HSPA12B: variants seen among roughly 807,000 people sequenced by gnomAD.
HSPA12B encodes heat shock 70 kDa protein 12B.
HSPA12B carries 54 observed loss-of-function variants against 69.3 expected under a neutral mutation model. The ratio of observed to expected loss-of-function variants is 0.78; its 90% CI spans 0.63 to 0.98. The LOEUF (loss-of-function observed/expected upper bound fraction) is 0.98, where lower values mean the gene tolerates loss of function less well. Among genes scored for constraint, HSPA12B ranks in the 50% least tolerant of loss-of-function variants. The probability of loss-of-function intolerance (pLI) is 0.00; values close to 1 mark genes in which losing one functional copy is unlikely to be tolerated. For missense variants in HSPA12B, 929 were observed against 999.8 expected (o/e 0.93, Z 0.96); for synonymous variants, 441 against 436.5 (o/e 1.01, Z -0.13).
chr20:3,751,009 C>G (rs1265049596), intron 12 of HSPA12B, 102 bp downstream of exon 12: 1 of 1,004,354 alleles, frequency 1.0e-6, no homozygotes, highest in East Asian at 2.5e-5. Flanking sequence ...CATCCATACA[C>G]TGTGATGAGA....
chr20:3,751,701 C>A lies in HSPA12B; in HGVS notation c.1596C>A (p.Gly532=), dbSNP rs1249123422. ...CGGTGCTGTTCGGCCAGGCGCCGGGCGTGGTGCGGGTCCGCCGCTCGCCGC... is the reference window on the plus strand; with the variant it reads ...CGGTGCTGTTCGGCCAGGCGCCGGGAGTGGTGCGGGTCCGCCGCTCGCCGC... ...KGAVLFGQAP[G]VVRVRRSPLT... is the part of the protein sequence containing the mutation. The change falls in exon 13 of 13, where the codon GGC becomes GGA. Residue 532 remains glycine (G), a synonymous_variant. Transcript: ENST00000254963. 11 of 1,483,610 alleles carry A rather than the reference C, an allele frequency of 7.4e-6. No homozygotes were observed. In the East Asian group the frequency reaches 2.4e-4, roughly 32 times the overall value. 91.9% of individuals were successfully genotyped at this position (1,483,610 alleles called of 1,614,324 possible). A position where few individuals can be genotyped will look rare whatever the true frequency, so the allele number is the denominator to read the frequency against.
Position 3,751,801 on chromosome 20 carries a change from G to T in HSPA12B, c.1696G>T (p.Gly566Cys), listed in dbSNP as rs1474131328. ...HPPEKLLVRD[G>C]RRWCTDVFER... ...GCCCGAAAAGCTGCTGGTTCGCGAC[G>T]GCCGCCGCTGGTGCACCGACGTCTT... is the stretch of plus-strand genomic sequence containing the variant. The change falls in exon 13 of 13, where the codon GGC becomes TGC. Residue 566 changes from glycine (G) to cysteine (C), a missense_variant. Physicochemically the swap from Gly to Cys is radical, Grantham distance 159 (BLOSUM62 -3). This residue lies in a region of HSPA12B where 448 missense variants were observed against 448.1 expected (regional missense o/e 1.00). Coordinates refer to ENST00000254963, the MANE Select transcript of HSPA12B (RefSeq NM_052970.5). The T allele has an allele frequency of 1.0e-5, 16 of 1,528,738 alleles. No homozygotes were observed. Among genetic ancestry groups the T allele is most frequent in the Non-Finnish European group, 1.4e-5 (16 of 1,143,628 alleles). 94.7% of individuals were successfully genotyped at this position (1,528,738 alleles called of 1,614,324 possible). A position where few individuals can be genotyped will look rare whatever the true frequency, so the allele number is the denominator to read the frequency against.
rs532042377 is a variant in HSPA12B at position 3,735,887 on chromosome 20, A to C, written c.-17-2771A>C. Among the ~76,000 whole-genome samples the C allele has an allele frequency of 2.0e-5, 3 of 152,308 alleles. No homozygotes were observed. The South Asian group carries it at 6.2e-4, about 32-fold the overall frequency. On this transcript the variant is annotated intron_variant, in intron 1 of 12. Transcript: ENST00000254963. ...CCCAGTGCTTAGCACAGAGCCTGGC[A>C]TGAAGAATCTCGATAAGTGTTTGCT...
chr20:3,735,623 G>A (rs1342496292), intron 1 of HSPA12B, among the ~76,000 whole-genome samples: 2 of 151,936 alleles, frequency 1.3e-5, no homozygotes, highest in South Asian at 2.1e-4. Context: ...CTGCCACTAC[G>A]CTTGGCTAAT....
rs891690222 is a variant in HSPA12B at position 3,737,147 on chromosome 20, T to G, written c.-17-1511T>G. ...GATTCAGCAGGTCTGGGCTGGGGCC[T>G]GAGGTTCTGCATTTCTAACAAGCTT... On this transcript the variant is annotated intron_variant, in intron 1 of 12. Transcript: ENST00000254963. This position sits in a 1 kb window ranked among gnomAD's most constrained non-coding sequence, Gnocchi z 4.1. 4.6e-5 allele frequency among the ~76,000 whole-genome samples: 7 copies of G among 152,194 alleles called. No individual in the cohort carries two copies. The highest frequency in any genetic ancestry group is 8.8e-5 in the Non-Finnish European group (6 of 68,040).
chr20:3,744,787 C>G lies in HSPA12B; in HGVS notation c.267-115C>G. The stretch of plus-strand genomic sequence containing the variant: ...TCTCCTGCTGCCTATGGAGCCGACC[C>G]ATAGCTAGTTCTCCCTGCTCTTTCA... On this transcript the variant is annotated intron_variant, in intron 4 of 12. Coordinates refer to ENST00000254963, the MANE Select transcript of HSPA12B (RefSeq NM_052970.5). The surrounding 1 kb of genome is among the most constrained non-coding windows in gnomAD (Gnocchi z 4.9). 3 of 935,194 alleles carry G rather than the reference C, an allele frequency of 3.2e-6. No individual in the cohort carries two copies. Among genetic ancestry groups the G allele is most frequent in the Non-Finnish European group, 3.3e-6 (2 of 611,212 alleles). 57.9% of individuals were successfully genotyped at this position (935,194 alleles called of 1,614,324 possible).
chr20:3,751,945 G>A lies in HSPA12B; in HGVS notation c.1840G>A (p.Glu614Lys). 6.3e-7 allele frequency: 1 copy of A among 1,585,774 alleles called. No individual in the cohort carries two copies. The highest frequency in any genetic ancestry group is 8.5e-7 in the Non-Finnish European group (1 of 1,171,036). ...VLINLYCCAA[E>K]DARFITDPGV... ...CATCAACCTGTACTGCTGCGCGGCA[G>A]AGGATGCGCGCTTCATCACCGACCC... The change falls in exon 13 of 13, where the codon GAG (glutamate) becomes AAG (lysine). Residue 614 changes from glutamate to lysine, a missense_variant. Physicochemically the swap from Glu to Lys is moderately conservative, Grantham distance 56. This residue lies in a region of HSPA12B where 448 missense variants were observed against 448.1 expected (regional missense o/e 1.00). Transcript: ENST00000254963.
chr20:3,738,857 T>C (rs2088149198), intron 2 of HSPA12B, 140 bp downstream of exon 2: 2 of 643,018 alleles, frequency 3.1e-6, no homozygotes, highest in Non-Finnish European at 5.3e-6. Flanking sequence ...TGTGTGTGTG[T>C]GCATGTGTGC....
chr20:3,748,349 C>A lies in HSPA12B; in HGVS notation c.808C>A (p.Arg270Ser). ...DLSGRAPGGG[R>S]LGERRSIDSS... The stretch of plus-strand genomic sequence containing the variant: ...GAGTGGCCGGGCCCCAGGTGGTGGG[C>A]GCCTGGGTGAGCGCCGCTCCATCGA... The change falls in exon 8 of 13, where the codon CGC (arginine) becomes AGC (serine). Residue 270 changes from arginine to serine, a missense_variant. Arg to Ser is a moderately radical substitution (Grantham distance 110, BLOSUM62 -1). Transcript: ENST00000254963. The A allele has an allele frequency of 6.2e-7, 1 of 1,609,200 alleles. No homozygotes were observed. Among genetic ancestry groups the A allele is most frequent in the East Asian group, 2.2e-5 (1 of 44,572 alleles).
At position 3,749,688 on chromosome 20, in the gene HSPA12B, G is replaced by A. The variant is rs1600329031; in HGVS notation, c.938-62G>A. 8.1e-7 allele frequency: 1 copy of A among 1,235,816 alleles called. No individual in the cohort carries two copies. Among genetic ancestry groups the A allele is most frequent in the Non-Finnish European group, 1.1e-6 (1 of 888,828 alleles). 76.6% of individuals were successfully genotyped at this position (1,235,816 alleles called of 1,614,324 possible). A position where few individuals can be genotyped will look rare whatever the true frequency, so the allele number is the denominator to read the frequency against. ...GGGCTGGAGGCTGGGCGAGGCTGGAGGGGGCGCAGGGCTGAGGGTGCGAGG... is the reference window on the plus strand; with the variant it reads ...GGGCTGGAGGCTGGGCGAGGCTGGAAGGGGCGCAGGGCTGAGGGTGCGAGG... On this transcript the variant is annotated intron_variant, in intron 9 of 12. Coordinates refer to ENST00000254963, the MANE Select transcript of HSPA12B (RefSeq NM_052970.5). This position sits in a 1 kb window ranked among gnomAD's most constrained non-coding sequence, Gnocchi z 5.5.
At chr20:3,742,587 C>T (rs547561672) in intron 4 of HSPA12B, among the ~76,000 whole-genome samples, 179 bp downstream of exon 4, 2 of 152,242 alleles carry the variant, frequency 1.3e-5, no homozygotes, top group Admixed American at 6.5e-5. Context: ...TCCTTGGCCT[C>T]AACTGGAGCA....
In HSPA12B at chr20:3,749,654, C is replaced by A; in HGVS notation, c.938-96C>A. ...CCGACCCTGCAGACAGGCCTTGGGA[C>A]CCGGGGCAGGGCTGGAGGCTGGGCG... On this transcript the variant is annotated intron_variant, in intron 9 of 12. Transcript: ENST00000254963. This position sits in a 1 kb window ranked among gnomAD's most constrained non-coding sequence, Gnocchi z 5.5. 1 of 922,448 alleles carries A rather than the reference C, an allele frequency of 1.1e-6. No individual in the cohort carries two copies. Among genetic ancestry groups the A allele is most frequent in the Non-Finnish European group, 1.6e-6 (1 of 622,320 alleles). The allele number at this position is 922,448 out of a possible 1,614,324, so 57.1% of individuals were successfully genotyped here. A position where few individuals can be genotyped will look rare whatever the true frequency, so the allele number is the denominator to read the frequency against.
At chr20:3,734,736 A>AGTT (rs2088082519) in intron 1 of HSPA12B, among the ~76,000 whole-genome samples, 2 of 89,574 alleles carry the variant, frequency 2.2e-5, no homozygotes, top group African/African-American at 7.5e-5. Flanking sequence ...TCTTTAACAC[A>AGTT]ATTTTTTTTT....
chr20:3,740,815 G>A lies in HSPA12B; in HGVS notation c.44G>A (p.Gly15Asp). The change falls in exon 3 of 13, where the codon GGC becomes GAC. Residue 15 changes from glycine to aspartate, a missense_variant and splice_region_variant. Around this residue, in one of 3 missense-constraint regions of HSPA12B, gnomAD observed 477 missense variants for 535.2 expected, o/e 0.89. Coordinates refer to ENST00000254963, the MANE Select transcript of HSPA12B (RefSeq NM_052970.5). The surrounding 1 kb of genome is among the most constrained non-coding windows in gnomAD (Gnocchi z 4.9). ...PEMGLQGLYI[G>D]SSPERSPVPS... ...ATGAACTGCCGTCTCTTCTCTGCAG[G>A]CTCCAGCCCGGAGCGGTCCCCAGTG... is the stretch of plus-strand genomic sequence containing the variant. 1.2e-6 allele frequency: 2 copies of A among 1,613,236 alleles called. No homozygotes were observed. Among genetic ancestry groups the A allele is most frequent in the Non-Finnish European group, 1.7e-6 (2 of 1,179,730 alleles).
In HSPA12B at chr20:3,749,137, T is replaced by G. The variant is rs987611779; in HGVS notation, c.851-95T>G. 48 of 1,073,590 alleles carry G rather than the reference T, an allele frequency of 4.5e-5. No homozygotes were observed. The African/African-American group carries it at 5.9e-4, about 13-fold the overall frequency. 66.5% of individuals were successfully genotyped at this position (1,073,590 alleles called of 1,614,324 possible). On this transcript the variant is annotated intron_variant, in intron 8 of 12. Coordinates refer to ENST00000254963, the MANE Select transcript of HSPA12B (RefSeq NM_052970.5). The surrounding 1 kb of genome is among the most constrained non-coding windows in gnomAD (Gnocchi z 5.5). The stretch of plus-strand genomic sequence containing the variant: ...TTTCAGGAGCACTGGCTGCTCCCAG[T>G]GCCCATGGAGGTCCTGGGCAGGAGG...
chr20:3,741,064 C>T, intron 3 of HSPA12B, 152 bp downstream of exon 3: 1 of 625,594 alleles, frequency 1.6e-6, no homozygotes, highest in Non-Finnish European at 2.7e-6. Context: ...GTCATGTGCC[C>T]CCCAGAAGGA....
chr20:3,752,334 AC>A lies in HSPA12B; in HGVS notation c.*171del. On this transcript the variant is annotated 3_prime_UTR_variant, in exon 13 of 13. Transcript: ENST00000254963. ...GTCATGGGAGAGTGGGTGGGGACAC[AC>A]CCAGAGACTGGCTTTGGGATTGGGC... is the stretch of plus-strand genomic sequence containing the variant. 1 of 617,360 alleles carries A rather than the reference AC, an allele frequency of 1.6e-6. No homozygotes were observed. The highest frequency in any genetic ancestry group is 2.5e-6 in the Non-Finnish European group (1 of 397,418). 38.2% of individuals were successfully genotyped at this position (617,360 alleles called of 1,614,324 possible).
intron 12 of HSPA12B, 113 bp downstream of exon 12, chr20:3,751,020 C>A: frequency 1.0e-6 from 1 of 956,676 alleles, no homozygotes; most frequent in South Asian, 1.4e-5. Flanking sequence ...TGTGATGAGA[C>A]CTAGAATCAT....
At position 3,749,729 on chromosome 20, in the gene HSPA12B, TGCCCGC is replaced by T; in HGVS notation, c.938-18_938-13del. 1 of 1,537,300 alleles carries T rather than the reference TGCCCGC, an allele frequency of 6.5e-7. No homozygotes were observed. Among genetic ancestry groups the T allele is most frequent in the South Asian group, 1.2e-5 (1 of 85,156 alleles). ...GGGTGCGAGGCCGCCCACGAGTGTG[TGCCCGC>T]GCTCGCCGCCGCAGGAGACCGCTAC... is the stretch of plus-strand genomic sequence containing the variant. On this transcript the variant is annotated splice_polypyrimidine_tract_variant and intron_variant, in intron 9 of 12. Coordinates refer to ENST00000254963, the MANE Select transcript of HSPA12B (RefSeq NM_052970.5). This position sits in a 1 kb window ranked among gnomAD's most constrained non-coding sequence, Gnocchi z 5.5.
Sources: gnomAD v4.1 joint callset for allele counts (sites outside exome capture counted in the v4.1 genomes callset) on GRCh38, gnomAD v4.1.1 for gene constraint, gnomAD v4.1.1 regional missense constraint, Gnocchi (gnomAD v3.1) non-coding constraint, MANE v1.5 for transcripts, NCBI Gene and HGNC (gene_info 2026-07-23, HGNC 2026-07-21) for gene names.